The following SDK1 variants were observed in gnomAD, a reference collection of about 807,000 sequenced individuals.
The protein encoded by SDK1 is protein sidekick-1.
A neutral mutation model predicts 245.5 loss-of-function variants in SDK1; 157 were observed. The ratio of observed to expected loss-of-function variants is 0.64; its 90% CI spans 0.56 to 0.73. SDK1 has a LOEUF of 0.73. SDK1 is among the 30% of genes least tolerant of loss of function. The pLI is 0.00. For missense variants in SDK1, 3,583 were observed against 3,002.3 expected (o/e 1.19, Z -4.52); for synonymous variants, 1,647 against 1,278.5 (o/e 1.29, Z -6.15).
intron 17 of SDK1, among the ~76,000 whole-genome samples, chr7:4,018,792 G>C (rs1786627657): frequency 6.6e-6 from 1 of 152,166 alleles, no homozygotes; most frequent in African/African-American, 2.4e-5. Flanking sequence ...TAAGATCTGT[G>C]AGTGACATGA....
chr7:3,994,161 C>T (rs1407802719), intron 14 of SDK1, among the ~76,000 whole-genome samples: 1 of 152,172 alleles, frequency 6.6e-6, no homozygotes, highest in African/African-American at 2.4e-5. Context: ...GTCCATGGTT[C>T]ACCTTTGACC....
intron 28 of SDK1, among the ~76,000 whole-genome samples, chr7:4,137,052 A>T (rs1779142916): frequency 6.6e-6 from 1 of 152,204 alleles, no homozygotes. Flanking sequence ...TGGAGTCATG[A>T]GCGCTGGGGT....
At chr7:3,765,449 C>G (rs1780227112) in intron 4 of SDK1, among the ~76,000 whole-genome samples, 2 of 152,188 alleles carry the variant, frequency 1.3e-5, no homozygotes, top group African/African-American at 2.4e-5. Context: ...TTATGTCTGA[C>G]TTCCTTGGCT....
In SDK1 at chr7:4,017,342, C is replaced by G; in HGVS notation, c.2592C>G (p.Thr864=). Residue 864 remains threonine (T), a synonymous_variant, in exon 17 of 45, where the codon ACC becomes ACG. Transcript: ENST00000404826. The part of the protein sequence containing the change: ...GVFSRAVTEY[T]LQGVPTAPPQ... Reference sequence around the variant, plus strand: ...TCAGCAGGGCAGTGACCGAGTACACCTTGCAGGGAGGTAAGCTTGTCTCCA... The same window carrying G: ...TCAGCAGGGCAGTGACCGAGTACACGTTGCAGGGAGGTAAGCTTGTCTCCA... The G allele has an allele frequency of 1.9e-6, 3 of 1,608,040 alleles. No homozygotes were observed. The highest frequency in any genetic ancestry group is 2.5e-6 in the Non-Finnish European group (3 of 1,177,134).
At chr7:3,638,172 G>T (rs1321121352) in intron 2 of SDK1, among the ~76,000 whole-genome samples, 2 of 152,212 alleles carry the variant, frequency 1.3e-5, no homozygotes, top group African/African-American at 4.8e-5. Flanking sequence ...GAATAAGACA[G>T]AAGTAGATCC....
chr7:4,181,880 C>T (rs1023474586), intron 35 of SDK1, among the ~76,000 whole-genome samples: 15 of 152,204 alleles, frequency 9.9e-5, no homozygotes, highest in African/African-American at 3.6e-4. Flanking sequence ...TGCAGCCCCT[C>T]CAGTTTAACT....
intron 1 of SDK1, among the ~76,000 whole-genome samples, chr7:3,521,741 G>C (rs1485290686): frequency 6.6e-6 from 1 of 152,134 alleles, no homozygotes; most frequent in African/African-American, 2.4e-5. Flanking sequence ...GATTGGGCCT[G>C]ATGTGTTTAA....
intron 1 of SDK1, among the ~76,000 whole-genome samples, chr7:3,418,276 C>G (rs992658699): frequency 2.0e-5 from 3 of 152,026 alleles, no homozygotes; most frequent in African/African-American, 7.3e-5. Flanking sequence ...GAGATTGCGC[C>G]ATTGCACTCC....
At chr7:3,366,846 A>G (rs4549681) in intron 1 of SDK1, among the ~76,000 whole-genome samples, 68,942 of 151,808 alleles carry the variant, frequency 0.45, 17,463 homozygotes, top group East Asian at 0.62. Context: ...GGTTCAAGCA[A>G]TTCTCCTGCC....
intron 1 of SDK1, among the ~76,000 whole-genome samples, chr7:3,525,156 T>C (rs1583121994): frequency 6.6e-6 from 1 of 152,216 alleles, no homozygotes; most frequent in East Asian, 1.9e-4. Context: ...CTATGCCATT[T>C]CCTATCTGGG....
At chr7:3,464,557 G>A (rs1288790875) in intron 1 of SDK1, among the ~76,000 whole-genome samples, 2 of 152,120 alleles carry the variant, frequency 1.3e-5, no homozygotes, top group Admixed American at 6.5e-5. Context: ...CACTTGAAAT[G>A]CCTTTCATTC....
intron 5 of SDK1, among the ~76,000 whole-genome samples, chr7:3,867,360 C>A (rs1248709042): frequency 6.6e-6 from 1 of 152,100 alleles, no homozygotes; most frequent in Non-Finnish European, 1.5e-5. Flanking sequence ...AAAAATGCAG[C>A]CCTTTTGATT....
intron 19 of SDK1, among the ~76,000 whole-genome samples, chr7:4,053,160 A>G (rs1006495947): frequency 4.7e-5 from 7 of 150,420 alleles, no homozygotes; most frequent in Non-Finnish European, 1.0e-4. Context: ...TCTCTCCCCC[A>G]GTGCTGGATG....
chr7:4,237,136 C>G (rs755856187), intron 41 of SDK1, among the ~76,000 whole-genome samples: 3 of 152,154 alleles, frequency 2.0e-5, no homozygotes, highest in Non-Finnish European at 2.9e-5. Context: ...AAGCCATCCT[C>G]CCACCTCAGC....
At chr7:4,163,596 C>G (rs949005313) in intron 32 of SDK1, among the ~76,000 whole-genome samples, 2 of 152,210 alleles carry the variant, frequency 1.3e-5, no homozygotes, top group Non-Finnish European at 2.9e-5. Context: ...CTTCACTTTG[C>G]AGCACGGAGG....
intron 1 of SDK1, among the ~76,000 whole-genome samples, chr7:3,571,220 AT>A (rs1437564202): frequency 6.6e-6 from 1 of 152,042 alleles, no homozygotes; most frequent in Non-Finnish European, 1.5e-5. Flanking sequence ...TAGCTATTTG[AT>A]ATTACCAATC....
At chr7:3,806,333 TCCACA>T (rs1779244609) in intron 4 of SDK1, among the ~76,000 whole-genome samples, 3 of 130,290 alleles carry the variant, frequency 2.3e-5, no homozygotes, top group African/African-American at 1.2e-4. Flanking sequence ...GATGTGGATG[TCCACA>T]TTAGGATGTG....
chr7:3,529,389 T>C (rs558378004), intron 1 of SDK1, among the ~76,000 whole-genome samples: 2 of 152,302 alleles, frequency 1.3e-5, no homozygotes, highest in South Asian at 4.1e-4. Context: ...TGGAAAACTA[T>C]CTGTGCTAGA....
At chr7:4,061,481 A>C (rs1037580468) in intron 19 of SDK1, among the ~76,000 whole-genome samples, 8 of 152,056 alleles carry the variant, frequency 5.3e-5, no homozygotes, top group African/African-American at 1.9e-4. Context: ...GTCAGGAAAC[A>C]ACAGGTGCTG....
Sources: allele counts gnomAD v4.1 joint callset (sites outside exome capture counted in the v4.1 genomes callset), GRCh38; gene constraint gnomAD v4.1.1; transcripts MANE v1.5; gene names NCBI Gene and HGNC (gene_info 2026-07-23, HGNC 2026-07-21).